Variants in THSD7B observed in about 807,000 individuals in gnomAD.
THSD7B encodes the protein thrombospondin type-1 domain-containing protein 7B.
Under a neutral mutation model 213.6 loss-of-function variants are expected in THSD7B, and 138 were observed. The observed-to-expected ratio is 0.65, with a 90% confidence interval of 0.56 to 0.74. The LOEUF (loss-of-function observed/expected upper bound fraction) is 0.74. Ranked by LOEUF, THSD7B falls within the 30% of genes least tolerant of loss-of-function variation. The probability of loss-of-function intolerance (pLI) is 0.00; values close to 1 mark genes in which losing one functional copy is unlikely to be tolerated. For missense variants in THSD7B, 1,931 were observed against 1,991.5 expected, an observed-to-expected ratio of 0.97 and a Z score of 0.58; for synonymous variants, 742 against 687.0, an observed-to-expected ratio of 1.08 and a Z score of -1.25.
chr2:137,341,863 A>G (rs1254737202), intron 12 of THSD7B, among the ~76,000 whole-genome samples: 1 of 151,608 alleles, frequency 6.6e-6, no homozygotes, highest in Non-Finnish European at 1.5e-5. Context: ...TTCTGTTTTA[A>G]TTACTATAGC....
intron 15 of THSD7B, among the ~76,000 whole-genome samples, chr2:137,509,765 G>A (rs753608621): frequency 2.6e-5 from 4 of 152,090 alleles, no homozygotes; most frequent in Non-Finnish European, 5.9e-5. Flanking sequence ...GTGCCTCTTT[G>A]CAATCACTGC....
At chr2:136,862,060 G>C (rs187882436) in intron 1 of THSD7B, among the ~76,000 whole-genome samples, 1 of 152,336 alleles carries the variant, frequency 6.6e-6, no homozygotes, top group South Asian at 2.1e-4. Context: ...GTTCCCCATG[G>C]TGAGTGATCG....
chr2:137,163,355 TA>T (rs1432611484), intron 6 of THSD7B, among the ~76,000 whole-genome samples: 1 of 152,178 alleles, frequency 6.6e-6, no homozygotes. Context: ...AAGTTAAGAT[TA>T]GGTCATACTG....
chr2:136,933,374 A>G (rs559794786), intron 2 of THSD7B, among the ~76,000 whole-genome samples: 1 of 152,206 alleles, frequency 6.6e-6, no homozygotes, highest in East Asian at 1.9e-4. Flanking sequence ...CAGGAGTTCA[A>G]GAGCAATCTG....
At chr2:137,625,401 C>A (rs952498015) in intron 20 of THSD7B, among the ~76,000 whole-genome samples, 6 of 151,436 alleles carry the variant, frequency 4.0e-5, no homozygotes, top group African/African-American at 1.5e-4. Flanking sequence ...GTGCAGCACA[C>A]CAACATGACA....
At chr2:137,029,078 C>CTT (rs11443045) in intron 2 of THSD7B, among the ~76,000 whole-genome samples, 1,703 of 120,876 alleles carry the variant, frequency 0.014, 53 homozygotes, top group African/African-American at 0.025. Context: ...TCTTTGTAAG[C>CTT]TTTTTTTTTT....
intron 20 of THSD7B, among the ~76,000 whole-genome samples, chr2:137,636,416 C>A (rs1239235512): frequency 6.6e-6 from 1 of 152,192 alleles, no homozygotes; most frequent in African/African-American, 2.4e-5. Context: ...ATCAAGATCT[C>A]TTACAGCTAT....
intron 2 of THSD7B, among the ~76,000 whole-genome samples, chr2:136,987,740 T>A (rs566192713): frequency 7.2e-5 from 11 of 152,200 alleles, no homozygotes; most frequent in Admixed American, 7.2e-4. Context: ...TTTGGTCAAG[T>A]GCCAAAGATT....
intron 2 of THSD7B, among the ~76,000 whole-genome samples, chr2:136,942,517 C>T (rs1202290925): frequency 6.6e-6 from 1 of 152,044 alleles, no homozygotes; most frequent in East Asian, 1.9e-4. Flanking sequence ...GTGTCCTCTT[C>T]TATTTCACTG....
At chr2:137,671,117 C>CTTCT (rs1163008912) in intron 27 of THSD7B, among the ~76,000 whole-genome samples, 1 of 151,926 alleles carries the variant, frequency 6.6e-6, no homozygotes, top group Non-Finnish European at 1.5e-5. Context: ...CGATACAGCA[C>CTTCT]TTCTTTGGAT....
chr2:136,790,569 T>C (rs1335176256), intron 1 of THSD7B, among the ~76,000 whole-genome samples: 1 of 152,124 alleles, frequency 6.6e-6, no homozygotes, highest in Non-Finnish European at 1.5e-5. Context: ...TTGTATCTTA[T>C]TTTCCTGTTG....
chr2:137,361,885 C>A (rs1385659132), intron 12 of THSD7B, among the ~76,000 whole-genome samples: 1 of 152,018 alleles, frequency 6.6e-6, no homozygotes, highest in Non-Finnish European at 1.5e-5. Flanking sequence ...ACAGAGAACA[C>A]CACAAAGATA....
intron 2 of THSD7B, among the ~76,000 whole-genome samples, chr2:136,914,074 C>G (rs1218962315): frequency 6.6e-6 from 1 of 152,222 alleles, no homozygotes; most frequent in Non-Finnish European, 1.5e-5. Flanking sequence ...TGGGGTGGAG[C>G]TGCCCAAGAC....
chr2:137,291,734 G>A (rs570395472), intron 12 of THSD7B, among the ~76,000 whole-genome samples: 27 of 152,068 alleles, frequency 1.8e-4, no homozygotes, highest in Non-Finnish European at 3.4e-4. Flanking sequence ...TCCTTCAAAA[G>A]TATATTTCTA....
chr2:137,351,273 A>C (rs988480715), intron 12 of THSD7B, among the ~76,000 whole-genome samples: 3 of 151,976 alleles, frequency 2.0e-5, no homozygotes, highest in East Asian at 1.9e-4. Context: ...TAAGCTTAAC[A>C]TAGAAGATAT....
Position 137,231,205 on chromosome 2 carries a change from T to G in THSD7B, c.1885T>G (p.Ser629Ala), listed in dbSNP as rs1415428705. The G allele has an allele frequency of 6.2e-7, 1 of 1,612,318 alleles. No individual in the cohort carries two copies. The change falls in exon 8 of 28, where the codon TCA (serine) becomes GCA (alanine). Residue 629 changes from serine (S) to alanine (A), a missense_variant. Coordinates refer to ENST00000409968, the MANE Select transcript of THSD7B (RefSeq NM_001316349.2). ...NKNSDGKQTR[S>A]RTILALAGEG... ...AAACTCAGATGGGAAACAGACCAGG[T>G]CAAGAACTATCCTGGCACTGGCTGG... is the stretch of plus-strand genomic sequence containing the variant.
rs535692719 is a variant in THSD7B at position 137,095,117 on chromosome 2, C to A, written c.1195C>A (p.Pro399Thr). 2.5e-6 allele frequency: 4 copies of A among 1,613,708 alleles called. No individual in the cohort carries two copies. The highest frequency in any genetic ancestry group is 3.4e-6 in the Non-Finnish European group (4 of 1,179,768). ...TGAAGGAGAACTTCTGCAGCAATGTCCCAGGTATTACGCCTTTATGCCTTC... is the reference window on the plus strand; with the variant it reads ...TGAAGGAGAACTTCTGCAGCAATGTACCAGGTATTACGCCTTTATGCCTTC... ...IVEGELLQQCPRYSWRTSEWK... is the reference protein window; with the variant it reads ...IVEGELLQQCTRYSWRTSEWK... Residue 399 changes from proline (P) to threonine (T), a missense_variant, in exon 4 of 28, where the codon CCC (proline) becomes ACC (threonine). By Grantham distance (38) the Pro-to-Thr change is conservative. Transcript: ENST00000409968.
intron 20 of THSD7B, among the ~76,000 whole-genome samples, chr2:137,635,574 AGACACAG>A (rs1682817471): frequency 6.6e-6 from 1 of 152,218 alleles, no homozygotes; most frequent in South Asian, 2.1e-4. Flanking sequence ...AAAATACAGC[AGACACAG>A]GTAGCATGTT....
chr2:137,005,992 C>T (rs751973823), intron 2 of THSD7B, among the ~76,000 whole-genome samples: 2 of 152,118 alleles, frequency 1.3e-5, no homozygotes, highest in Non-Finnish European at 2.9e-5. Context: ...ATAACCTCAA[C>T]TAATGACAAG....
Sources: gnomAD v4.1 joint callset for allele counts (sites outside exome capture counted in the v4.1 genomes callset) on GRCh38, gnomAD v4.1.1 for gene constraint, MANE v1.5 for transcripts, NCBI Gene and HGNC (gene_info 2026-07-23, HGNC 2026-07-21) for gene names.